The following CSGALNACT1 variants were observed in gnomAD, a reference collection of about 807,000 sequenced individuals.
CSGALNACT1 encodes beta4GalNAcT-1.
CSGALNACT1 carries 52 observed loss-of-function variants against 51.0 expected under a neutral mutation model. The observed-to-expected ratio is 1.02, with a 90% confidence interval of 0.82 to 1.29. The LOEUF (loss-of-function observed/expected upper bound fraction) is 1.29, where lower values mean the gene tolerates loss of function less well. Among genes scored for constraint, CSGALNACT1 ranks in the 50% most tolerant of loss-of-function variants. CSGALNACT1 has a pLI of 0.00. For missense variants in CSGALNACT1, 935 were observed against 679.2 expected, an observed-to-expected ratio of 1.38 and a Z score of -4.19; for synonymous variants, 341 against 254.4, an observed-to-expected ratio of 1.34 and a Z score of -3.24.
intron 4 of CSGALNACT1, among the ~76,000 whole-genome samples, chr8:19,460,740 C>T (rs1412125257): frequency 6.6e-6 from 1 of 152,208 alleles, no homozygotes; most frequent in Non-Finnish European, 1.5e-5. Context: ...ACAAACCCCT[C>T]CTTTTTTCTT....
intron 1 of CSGALNACT1, among the ~76,000 whole-genome samples, chr8:19,649,420 A>G (rs1452895865): frequency 6.6e-6 from 1 of 152,190 alleles, no homozygotes; most frequent in African/African-American, 2.4e-5. Flanking sequence ...GCAAAAAATA[A>G]TAAATCCAGT....
intron 5 of CSGALNACT1, 104 bp from the exon 5 acceptor site, chr8:19,440,035 T>A: frequency 2.2e-6 from 2 of 912,432 alleles, no homozygotes; most frequent in East Asian, 2.5e-5. Flanking sequence ...TGAAGGAAAC[T>A]AGGTAAACTT....
At chr8:19,559,312 A>G (rs1359802673) in intron 3 of CSGALNACT1, among the ~76,000 whole-genome samples, 1 of 152,216 alleles carries the variant, frequency 6.6e-6, no homozygotes, top group Non-Finnish European at 1.5e-5. Context: ...TAGAGAAGTA[A>G]GAAGAGAAGG....
At chr8:19,543,427 G>C (rs553516729) in intron 3 of CSGALNACT1, among the ~76,000 whole-genome samples, 2 of 152,350 alleles carry the variant, frequency 1.3e-5, no homozygotes, top group South Asian at 2.1e-4. Context: ...TATGTGAAGA[G>C]TTCTCTAACT....
intron 3 of CSGALNACT1, among the ~76,000 whole-genome samples, chr8:19,514,178 G>A (rs1419523856): frequency 6.6e-6 from 1 of 152,100 alleles, no homozygotes; most frequent in Non-Finnish European, 1.5e-5. Flanking sequence ...AAATCCCAGC[G>A]AGAGGACAGG....
At chr8:19,474,586 G>A (rs1274630967) in intron 4 of CSGALNACT1, among the ~76,000 whole-genome samples, 1 of 151,964 alleles carries the variant, frequency 6.6e-6, no homozygotes, top group Non-Finnish European at 1.5e-5. Flanking sequence ...AGCACCTTCC[G>A]GCCAGGTGTG....
rs886298292 is a variant in CSGALNACT1, at chr8:19,597,716, G to A, written c.-416+4055C>T. 1.6e-4 allele frequency among the ~76,000 whole-genome samples: 25 copies of A among 152,348 alleles called. 1 individual carries two copies. The highest frequency in any genetic ancestry group is 3.4e-3 in the Middle Eastern group (1 of 294). On this transcript the variant is annotated intron_variant, in intron 2 of 9. Transcript: ENST00000454498. ...AGATGTTAAAAGGAAGTAGGGGAAAGGCTGGTACACCGTCAAATGTGCAGC... is the reference window on the plus strand; with the variant it reads ...AGATGTTAAAAGGAAGTAGGGGAAAAGCTGGTACACCGTCAAATGTGCAGC...
chr8:19,639,640 G>C (rs1430666334), intron 1 of CSGALNACT1, among the ~76,000 whole-genome samples: 1 of 152,134 alleles, frequency 6.6e-6, no homozygotes, highest in Non-Finnish European at 1.5e-5. Flanking sequence ...GAGTCAGGAA[G>C]ATGGGGCAGG....
At chr8:19,708,510 C>A (rs952548744) in intron 1 of CSGALNACT1, among the ~76,000 whole-genome samples, 7 of 152,196 alleles carry the variant, frequency 4.6e-5, no homozygotes, top group Non-Finnish European at 8.8e-5. Flanking sequence ...TGAAATAAAG[C>A]AGCATAGCTC....
At chr8:19,504,685 T>C (rs2076982967) in intron 4 of CSGALNACT1, among the ~76,000 whole-genome samples, 1 of 152,236 alleles carries the variant, frequency 6.6e-6, no homozygotes, top group African/African-American at 2.4e-5. Context: ...CTTCCAGGGT[T>C]CAAATCCTGG....
intron 8 of CSGALNACT1, among the ~76,000 whole-genome samples, chr8:19,415,924 C>T (rs1244324912): frequency 2.6e-5 from 4 of 152,056 alleles, no homozygotes; most frequent in Non-Finnish European, 5.9e-5. Flanking sequence ...AATTGTAACA[C>T]AATGGTATTT....
At chr8:19,621,992 A>G (rs1409065649) in intron 1 of CSGALNACT1, among the ~76,000 whole-genome samples, 6 of 152,334 alleles carry the variant, frequency 3.9e-5, no homozygotes, top group Admixed American at 1.3e-4. Context: ...ACAACAAACA[A>G]TAACTCAAGT....
At chr8:19,497,085 A>G (rs1398494583) in intron 4 of CSGALNACT1, among the ~76,000 whole-genome samples, 2 of 152,170 alleles carry the variant, frequency 1.3e-5, no homozygotes, top group African/African-American at 4.8e-5. Context: ...CAGCTGAGGA[A>G]GGCGGAGTGG....
chr8:19,570,072 G>C (rs2042682188), intron 3 of CSGALNACT1, among the ~76,000 whole-genome samples: 1 of 151,430 alleles, frequency 6.6e-6, no homozygotes, highest in African/African-American at 2.4e-5. Flanking sequence ...TAAATGGAAG[G>C]GAGGGTAGAT....
At chr8:19,584,736 G>C (rs2046276535) in intron 3 of CSGALNACT1, among the ~76,000 whole-genome samples, 1 of 152,224 alleles carries the variant, frequency 6.6e-6, no homozygotes, top group Admixed American at 6.5e-5. Context: ...GACAGCTGCA[G>C]TGCAAGGCTG....
chr8:19,433,931 C>G (rs571174665), intron 6 of CSGALNACT1, among the ~76,000 whole-genome samples: 2 of 152,304 alleles, frequency 1.3e-5, no homozygotes, highest in East Asian at 3.9e-4. Context: ...TGTTTCACCA[C>G]TGGCTGCCAG....
intron 1 of CSGALNACT1, among the ~76,000 whole-genome samples, chr8:19,742,757 C>A (rs776852654): frequency 6.6e-6 from 1 of 152,192 alleles, no homozygotes; most frequent in South Asian, 2.1e-4. Context: ...ACCTACAGGC[C>A]AAAATACATT....
intron 8 of CSGALNACT1, among the ~76,000 whole-genome samples, chr8:19,413,527 A>G (rs2056296042): frequency 6.6e-6 from 1 of 152,218 alleles, no homozygotes; most frequent in Non-Finnish European, 1.5e-5. Flanking sequence ...CAGCGGGTGT[A>G]TGTTTCCTGA....
chr8:19,569,306 C>A lies in CSGALNACT1; in HGVS notation c.-297+21854G>T, dbSNP rs1400006126. On this transcript the variant is annotated intron_variant, in intron 3 of 9. Transcript: ENST00000454498. ...AAGATAGGTTTGAGAGGCTATTGAT[C>A]ATGGCACTTGATCATAACTTGACTC... Among the ~76,000 whole-genome samples, 9 of 152,204 alleles carry A rather than the reference C, an allele frequency of 5.9e-5. No homozygotes were observed. The East Asian group carries it at 1.7e-3, about 29-fold the overall frequency.
Sources: allele counts gnomAD v4.1 joint callset (sites outside exome capture counted in the v4.1 genomes callset), GRCh38; gene constraint gnomAD v4.1.1; transcripts MANE v1.5; gene names NCBI Gene and HGNC (gene_info 2026-07-23, HGNC 2026-07-21).